CFAP47: variants seen among roughly 807,000 people sequenced by gnomAD.
CFAP47 encodes the protein cilia- and flagella-associated protein 47.
CFAP47 carries 29 observed loss-of-function variants against 148.1 expected under a neutral mutation model. The ratio of observed to expected loss-of-function variants is 0.20; its 90% CI spans 0.15 to 0.27. The LOEUF (loss-of-function observed/expected upper bound fraction) is 0.27. CFAP47 is among the 10% of genes least tolerant of loss of function. The pLI is 1.00. For missense variants in CFAP47, 1,872 were observed against 1,697.5 expected (o/e 1.10, Z -1.81); for synonymous variants, 664 against 577.3 (o/e 1.15, Z -2.15).
intron 26 of CFAP47, among the ~76,000 whole-genome samples, chrX:36,049,495 C>T (rs770564000): frequency 1.9e-5 from 2 of 104,895 alleles, no homozygotes; most frequent in African/African-American, 6.9e-5. Context: ...CTCTCACACA[C>T]ACACACACAC....
At position 35,987,303 on chromosome X, in the gene CFAP47, C is replaced by T. The variant is rs891723663; in HGVS notation, c.2714-2016C>T. Among the ~76,000 whole-genome samples, 26 of 111,631 alleles carry T rather than the reference C, an allele frequency of 2.3e-4. 2 individuals are homozygous for T. The highest frequency in any genetic ancestry group is 2.0e-3 in the Admixed American group (21 of 10,557). Reference sequence around the variant, plus strand: ...CTGCTGCATTTCCTTCAGAGATGCTCGGCCCAGAGAGGAAGAATCTAGAGA... The same window carrying T: ...CTGCTGCATTTCCTTCAGAGATGCTTGGCCCAGAGAGGAAGAATCTAGAGA... On this transcript the variant is annotated intron_variant, in intron 15 of 63. Coordinates refer to ENST00000378653, the MANE Select transcript of CFAP47 (RefSeq NM_001304548.2).
intron 33 of CFAP47, among the ~76,000 whole-genome samples, chrX:36,109,436 C>T (rs1938517636): frequency 9.0e-6 from 1 of 111,466 alleles, no homozygotes; most frequent in South Asian, 3.7e-4. Flanking sequence ...ACCTTTTTCT[C>T]TGCAACCTCT....
chrX:36,232,135 G>T (rs1555992859), intron 46 of CFAP47, among the ~76,000 whole-genome samples: 1 of 111,563 alleles, frequency 9.0e-6, no homozygotes, highest in East Asian at 2.8e-4. Context: ...CATAAAATGA[G>T]TTAGGGAGGA....
At chrX:36,274,411 T>A (rs782696073) in intron 49 of CFAP47, among the ~76,000 whole-genome samples, 57 of 111,839 alleles carry the variant, frequency 5.1e-4, no homozygotes, top group African/African-American at 1.8e-3. Context: ...ATAAACCCAT[T>A]GTATATTTAT....
chrX:36,163,965 G>A (rs771864835), intron 39 of CFAP47, among the ~76,000 whole-genome samples: 15 of 111,461 alleles, frequency 1.3e-4, no homozygotes, highest in East Asian at 8.4e-4. Flanking sequence ...CAGTTATTTC[G>A]GAGTATGTTG....
intron 49 of CFAP47, among the ~76,000 whole-genome samples, chrX:36,272,133 G>A (rs1331079252): frequency 8.9e-6 from 1 of 111,846 alleles, no homozygotes; most frequent in Non-Finnish European, 1.9e-5. Context: ...GATCAGCTGC[G>A]AACAAAAGCA....
At chrX:36,071,530 A>G (rs1030540051) in intron 27 of CFAP47, among the ~76,000 whole-genome samples, 2 of 112,153 alleles carry the variant, frequency 1.8e-5, no homozygotes, top group Non-Finnish European at 3.8e-5. Flanking sequence ...ATTCTTTTTT[A>G]CGCTAAAGTT....
chrX:36,031,627 T>C (rs1473239057), intron 23 of CFAP47, among the ~76,000 whole-genome samples: 2 of 109,935 alleles, frequency 1.8e-5, no homozygotes, highest in African/African-American at 6.6e-5. Flanking sequence ...AAGTTTAATA[T>C]AATTAAATTA....
chrX:36,140,414 G>A (rs958626981), intron 35 of CFAP47, among the ~76,000 whole-genome samples: 2 of 110,911 alleles, frequency 1.8e-5, no homozygotes, highest in African/African-American at 6.6e-5. Flanking sequence ...ACATATGTTG[G>A]CTCAATATAT....
At chrX:35,924,569 G>GTGTATATATGCGCATATATT in intron 1 of CFAP47, among the ~76,000 whole-genome samples, 1 of 105,076 alleles carries the variant, frequency 9.5e-6, no homozygotes, top group Non-Finnish European at 2.0e-5. Flanking sequence ...GCGCATATAT[G>GTGTATATATGCGCATATATT]TGTATATATG....
At chrX:36,175,674 C>T (rs1939663847) in intron 39 of CFAP47, among the ~76,000 whole-genome samples, 1 of 111,979 alleles carries the variant, frequency 8.9e-6, no homozygotes, top group South Asian at 3.7e-4. Flanking sequence ...TCTCCAGCTG[C>T]TTGCTGGGAG....
Position 36,039,034 on chromosome X carries a change from C to A in CFAP47, c.3862C>A (p.Pro1288Thr). The change falls in exon 25 of 64, where the codon CCA becomes ACA. Residue 1288 changes from proline to threonine, a missense_variant. Transcript: ENST00000378653. Reference protein sequence around the residue: ...ADIPMLLNYIPVCYKILHLTG... With the variant: ...ADIPMLLNYITVCYKILHLTG... ...TATTCCTATGCTTTTAAATTATATT[C>A]CAGTTTGCTATAAAATATTACATCT... is the stretch of plus-strand genomic sequence containing the variant. The A allele has an allele frequency of 2.6e-6, 3 of 1,133,731 alleles. No individual in the cohort carries two copies. Among genetic ancestry groups the A allele is most frequent in the Non-Finnish European group, 3.5e-6 (3 of 848,661 alleles). The allele number at this position is 1,133,731 out of a possible 1,213,427, so 93.4% of individuals were successfully genotyped here. A position where few individuals can be genotyped will look rare whatever the true frequency, so the allele number is the denominator to read the frequency against.
At chrX:36,202,603 C>T (rs782435081) in intron 44 of CFAP47, among the ~76,000 whole-genome samples, 24 of 111,576 alleles carry the variant, frequency 2.2e-4, no homozygotes, top group African/African-American at 7.8e-4. Flanking sequence ...ACTGGCCAGG[C>T]GTGGTGTCTC....
chrX:36,111,577 T>A (rs1336738538), intron 33 of CFAP47, among the ~76,000 whole-genome samples: 1 of 111,518 alleles, frequency 9.0e-6, no homozygotes, highest in Non-Finnish European at 1.9e-5. Context: ...TTTTTGTTGT[T>A]GTTGTGTCTC....
intron 57 of CFAP47, among the ~76,000 whole-genome samples, chrX:36,343,825 A>G (rs1386363050): frequency 9.0e-6 from 1 of 110,804 alleles, no homozygotes; most frequent in African/African-American, 3.3e-5. Flanking sequence ...TCATGTGTCC[A>G]TGTGATCTCA....
At chrX:36,172,224 T>A (rs1326422901) in intron 39 of CFAP47, among the ~76,000 whole-genome samples, 1 of 98,983 alleles carries the variant, frequency 1.0e-5, no homozygotes, top group African/African-American at 3.5e-5. Flanking sequence ...TTTCTAGATA[T>A]ACAATCATGT....
intron 39 of CFAP47, among the ~76,000 whole-genome samples, chrX:36,179,003 T>A (rs993274173): frequency 8.9e-5 from 10 of 112,335 alleles, no homozygotes; most frequent in Non-Finnish European, 1.9e-4. Flanking sequence ...CGTGTACAGC[T>A]CTGGTGATGT....
chrX:35,932,633 A>AT (rs781491446), intron 2 of CFAP47, among the ~76,000 whole-genome samples: 1,142 of 95,807 alleles, frequency 0.012, 17 homozygotes, highest in African/African-American at 0.036. Flanking sequence ...ATTATATTTA[A>AT]TTTTTTTTTT....
chrX:36,265,420 G>A (rs886469021), intron 49 of CFAP47, among the ~76,000 whole-genome samples: 28 of 111,651 alleles, frequency 2.5e-4, no homozygotes, highest in African/African-American at 8.8e-4. Flanking sequence ...TGATTGCTCT[G>A]GCTAGGACTT....
Sources: gnomAD v4.1 joint callset for allele counts (sites outside exome capture counted in the v4.1 genomes callset) on GRCh38, gnomAD v4.1.1 for gene constraint, MANE v1.5 for transcripts, NCBI Gene and HGNC (gene_info 2026-07-23, HGNC 2026-07-21) for gene names.